Variants in DNAJC3 observed in about 807,000 individuals in gnomAD.
The protein encoded by DNAJC3 is DnaJ heat shock protein family (Hsp40) member C3.
DNAJC3 carries 38 observed loss-of-function variants against 68.6 expected under a neutral mutation model. That is an observed-to-expected ratio of 0.55 (90% CI 0.43 to 0.73). DNAJC3 has a LOEUF of 0.73. Among genes scored for constraint, DNAJC3 ranks in the 30% least tolerant of loss-of-function variants. The probability of loss-of-function intolerance (pLI) is 0.00; values close to 1 mark genes in which losing one functional copy is unlikely to be tolerated. For missense variants in DNAJC3, 526 were observed against 591.9 expected (o/e 0.89, Z 1.16); for synonymous variants, 203 against 204.0 (o/e 1.00, Z 0.04).
intron 9 of DNAJC3, among the ~76,000 whole-genome samples, chr13:95,770,486 AT>A (rs1883128566): frequency 6.6e-6 from 1 of 152,218 alleles, no homozygotes; most frequent in Non-Finnish European, 1.5e-5. Context: ...CTTTTCCCCT[AT>A]AAAAATGTTA....
intron 1 of DNAJC3, 74 bp downstream of exon 1, chr13:95,677,411 G>A: frequency 6.8e-7 from 1 of 1,472,082 alleles, no homozygotes; most frequent in Non-Finnish European, 9.1e-7. Flanking sequence ...TCTGCGCCCG[G>A]GCGCCTGTCC....
chr13:95,739,580 T>C (rs1317332899), intron 4 of DNAJC3, among the ~76,000 whole-genome samples: 1 of 152,166 alleles, frequency 6.6e-6, no homozygotes, highest in East Asian at 1.9e-4. Flanking sequence ...CATTTCATCT[T>C]CCATCGCTGA....
chr13:95,723,070 C>G (rs1387606035), intron 2 of DNAJC3, among the ~76,000 whole-genome samples, 172 bp from the exon 3 acceptor site: 1 of 151,894 alleles, frequency 6.6e-6, no homozygotes, highest in Non-Finnish European at 1.5e-5. Context: ...TATTCTAGGT[C>G]TATTTGCACT....
intron 1 of DNAJC3, among the ~76,000 whole-genome samples, chr13:95,699,264 G>C (rs1880527030): frequency 6.6e-6 from 1 of 152,152 alleles, no homozygotes; most frequent in Non-Finnish European, 1.5e-5. Context: ...ATTATGTTGG[G>C]TAAAATTGTA....
Position 95,792,131 on chromosome 13 carries a change from A to G in DNAJC3, c.*1101A>G, listed in dbSNP as rs952531187. On this transcript the variant is annotated 3_prime_UTR_variant, in exon 12 of 12. Coordinates refer to ENST00000602402, the MANE Select transcript of DNAJC3 (RefSeq NM_006260.5). ...CCTCTGATTTTCTCCTGCCTACAAG[A>G]AAATACAGGCAAGGTTAGTCAGGTC... 4 of 152,336 alleles carry G rather than the reference A, an allele frequency of 2.6e-5. No homozygotes were observed. Among genetic ancestry groups the G allele is most frequent in the African/African-American group, 7.2e-5 (3 of 41,574 alleles). The allele number at this position is 152,336 out of a possible 1,614,324, so 9.4% of individuals were successfully genotyped here. A position where few individuals can be genotyped will look rare whatever the true frequency, so the allele number is the denominator to read the frequency against.
At chr13:95,734,903 T>C (rs1881847278) in intron 4 of DNAJC3, among the ~76,000 whole-genome samples, 1 of 150,092 alleles carries the variant, frequency 6.7e-6, no homozygotes. Context: ...TGTGCCATGC[T>C]GGTGCGCTGC....
At chr13:95,687,787 A>G (rs1030712278) in intron 1 of DNAJC3, among the ~76,000 whole-genome samples, 4 of 152,104 alleles carry the variant, frequency 2.6e-5, no homozygotes, top group Non-Finnish European at 5.9e-5. Context: ...GAATTTTAGA[A>G]TATATATATT....
At chr13:95,732,580 A>C (rs996556646) in intron 4 of DNAJC3, among the ~76,000 whole-genome samples, 1 of 151,538 alleles carries the variant, frequency 6.6e-6, no homozygotes, top group Non-Finnish European at 1.5e-5. Flanking sequence ...TTCTTGGTTA[A>C]TCTAGCTTGT....
At chr13:95,781,242 G>A (rs1403250886) in intron 9 of DNAJC3, among the ~76,000 whole-genome samples, 3 of 152,112 alleles carry the variant, frequency 2.0e-5, no homozygotes, top group African/African-American at 7.2e-5. Flanking sequence ...GCTTATAGTA[G>A]GGATTAATGC....
intron 4 of DNAJC3, among the ~76,000 whole-genome samples, chr13:95,744,331 GA>G: frequency 6.6e-6 from 1 of 152,240 alleles, no homozygotes; most frequent in East Asian, 1.9e-4. Flanking sequence ...AATTCTATGA[GA>G]GAAATCTTAG....
intron 4 of DNAJC3, among the ~76,000 whole-genome samples, chr13:95,754,558 A>G (rs1882592785): frequency 6.6e-6 from 1 of 152,174 alleles, no homozygotes. Context: ...AAAAAAGGCC[A>G]GGCATGGGCT....
At position 95,725,171 on chromosome 13, in the gene DNAJC3, T is replaced by C. The variant is rs372218621; in HGVS notation, c.319-7T>C. ...TCAAGATAATCCTCTGCCCCCTTTT[T>C]TTCTAGGCAAGATTACAGAGAGGTC... On this transcript the variant is annotated splice_region_variant and splice_polypyrimidine_tract_variant and intron_variant, in intron 3 of 11. Coordinates refer to ENST00000602402, the MANE Select transcript of DNAJC3 (RefSeq NM_006260.5). 1.9e-6 allele frequency: 3 copies of C among 1,553,764 alleles called. No individual in the cohort carries two copies. In the African/African-American group the frequency reaches 4.1e-5, roughly 21 times the overall value.
intron 1 of DNAJC3, among the ~76,000 whole-genome samples, chr13:95,685,605 A>G (rs910375689): frequency 2.0e-5 from 3 of 152,168 alleles, no homozygotes; most frequent in African/African-American, 7.2e-5. Flanking sequence ...GCGGAATGAT[A>G]TGGTTTGGAT....
intron 9 of DNAJC3, among the ~76,000 whole-genome samples, chr13:95,784,182 G>T (rs1883530040): frequency 6.6e-6 from 1 of 152,184 alleles, no homozygotes; most frequent in Admixed American, 6.5e-5. Context: ...ATAAAAACAA[G>T]AATTTTATCC....
chr13:95,691,339 G>C (rs1490021763), intron 1 of DNAJC3, among the ~76,000 whole-genome samples: 1 of 151,204 alleles, frequency 6.6e-6, no homozygotes, highest in African/African-American at 2.4e-5. Context: ...CTTCTCAGAC[G>C]GGGCGGTTGC....
intron 9 of DNAJC3, among the ~76,000 whole-genome samples, chr13:95,764,391 A>T (rs949901870): frequency 6.7e-6 from 1 of 148,898 alleles, no homozygotes; most frequent in African/African-American, 2.5e-5. Context: ...ATATATATAT[A>T]TATACTCGGT....
At position 95,790,945 on chromosome 13, in the gene DNAJC3, C is replaced by G; in HGVS notation, c.1430C>G (p.Pro477Arg). 6.2e-7 allele frequency: 1 copy of G among 1,610,476 alleles called. No homozygotes were observed. Among genetic ancestry groups the G allele is most frequent in the Non-Finnish European group, 8.5e-7 (1 of 1,179,228 alleles). ...AESQQGGGGN[P>R]FHRSWNSWQG... ...AGCCAGCAAGGAGGCGGCGGCAACC[C>G]TTTCCACAGAAGCTGGAACTCATGG... The change falls in exon 12 of 12, where the codon CCT becomes CGT. Residue 477 changes from proline (P) to arginine (R), a missense_variant. By Grantham distance (103) the Pro-to-Arg change is moderately radical (BLOSUM62 -2). Coordinates refer to ENST00000602402, the MANE Select transcript of DNAJC3 (RefSeq NM_006260.5).
At chr13:95,775,763 A>C (rs1883274647) in intron 9 of DNAJC3, among the ~76,000 whole-genome samples, 1 of 152,158 alleles carries the variant, frequency 6.6e-6, no homozygotes, top group Non-Finnish European at 1.5e-5. Context: ...AGATGCAATC[A>C]TTTCACCAAC....
chr13:95,749,051 CAA>C (rs1412740582), intron 4 of DNAJC3, among the ~76,000 whole-genome samples: 2 of 152,244 alleles, frequency 1.3e-5, no homozygotes, highest in East Asian at 1.9e-4. Context: ...AATTATAAGA[CAA>C]ATTATTTTAT....
Sources: gnomAD v4.1 joint callset for allele counts (sites outside exome capture counted in the v4.1 genomes callset) on GRCh38, gnomAD v4.1.1 for gene constraint, MANE v1.5 for transcripts, NCBI Gene and HGNC (gene_info 2026-07-23, HGNC 2026-07-21) for gene names.